The following VSIR variants were observed in gnomAD, a reference collection of about 807,000 sequenced individuals.
The protein encoded by VSIR is V-set immunoregulatory receptor.
A neutral mutation model predicts 31.0 loss-of-function variants in VSIR; 10 were observed. That is an observed-to-expected ratio of 0.32 (90% CI 0.20 to 0.55). VSIR has a LOEUF of 0.55. Ranked by LOEUF, VSIR falls within the 20% of genes least tolerant of loss-of-function variation. The pLI is 0.93. For synonymous variants in VSIR, 179 were observed against 180.1 expected (o/e 0.99, Z 0.05); for missense variants, 356 against 416.2 (o/e 0.86, Z 1.26).
chr10:71,767,953 C>T (rs1840594924), intron 1 of VSIR, among the ~76,000 whole-genome samples: 1 of 152,158 alleles, frequency 6.6e-6, no homozygotes, highest in Non-Finnish European at 1.5e-5. Context: ...GAGGTCCCGG[C>T]CCGTGGATGC....
intron 3 of VSIR, chr10:71,760,503 C>G (rs1028187925): frequency 5.2e-6 from 1 of 191,454 alleles, no homozygotes; most frequent in African/African-American, 2.3e-5. Context: ...TAGTTTAATT[C>G]TAGGCCAAGA....
intron 1 of VSIR, among the ~76,000 whole-genome samples, chr10:71,769,122 A>C (rs10999991): frequency 0.062 from 9,496 of 152,322 alleles, 420 homozygotes; most frequent in African/African-American, 0.11. Context: ...TTTTACATTA[A>C]ATAACATTGA....
chr10:71,750,939 C>A lies in VSIR; in HGVS notation c.*314G>T. ...CAAGGCTCATGTCTCAGAACGAGAG[C>A]TGCTGAAGGGCTGGACGTTCTGAGA... On this transcript the variant is annotated 3_prime_UTR_variant, in exon 7 of 7. Coordinates refer to ENST00000394957, the MANE Select transcript of VSIR (RefSeq NM_022153.2). 1 of 312,802 alleles carries A rather than the reference C, an allele frequency of 3.2e-6. No individual in the cohort carries two copies. The highest frequency in any genetic ancestry group is 5.9e-6 in the Non-Finnish European group (1 of 169,540). 19.4% of individuals were successfully genotyped at this position (312,802 alleles called of 1,614,324 possible).
intron 1 of VSIR, among the ~76,000 whole-genome samples, chr10:71,766,985 C>A (rs2132902104): frequency 6.6e-6 from 1 of 152,364 alleles, no homozygotes; most frequent in East Asian, 1.9e-4. Flanking sequence ...TTCTTTCATT[C>A]CACAAATATT....
Position 71,756,531 on chromosome 10 carries a change from G to A in VSIR, c.569-1065C>T, listed in dbSNP as rs187733834. On this transcript the variant is annotated intron_variant, in intron 3 of 6. Coordinates refer to ENST00000394957, the MANE Select transcript of VSIR (RefSeq NM_022153.2). ...AAATTCCTAGCGGTCAAAGTGCTGAGCCAAAGAGTATGTGCATTTTCTTTT... is the reference window on the plus strand; with the variant it reads ...AAATTCCTAGCGGTCAAAGTGCTGAACCAAAGAGTATGTGCATTTTCTTTT... Among the ~76,000 whole-genome samples, 96 of 152,324 alleles carry A rather than the reference G, an allele frequency of 6.3e-4. No homozygotes were observed. The Middle Eastern group carries it at 0.031, about 49-fold the overall frequency.
chr10:71,769,074 C>T (rs1441381596), intron 1 of VSIR, among the ~76,000 whole-genome samples: 1 of 152,198 alleles, frequency 6.6e-6, no homozygotes, highest in African/African-American at 2.4e-5. Context: ...GAAAGCCCAG[C>T]TTGCCTGGCC....
chr10:71,751,226 A>C lies in VSIR; in HGVS notation c.*27T>G, dbSNP rs374909552. ...AAATGCACCTGCCCCAGACCCAGCC[A>C]CAACAGCCCACTGTCCCCCAGCTGG... On this transcript the variant is annotated 3_prime_UTR_variant, in exon 7 of 7. Coordinates refer to ENST00000394957, the MANE Select transcript of VSIR (RefSeq NM_022153.2). The surrounding 1 kb of genome is among the most constrained non-coding windows in gnomAD (Gnocchi z 4.9). 6 of 1,601,652 alleles carry C rather than the reference A, an allele frequency of 3.7e-6. No homozygotes were observed. The African/African-American group carries it at 8.0e-5, about 21-fold the overall frequency.
chr10:71,751,078 AT>A lies in VSIR; in HGVS notation c.*174del. On this transcript the variant is annotated 3_prime_UTR_variant, in exon 7 of 7. Coordinates refer to ENST00000394957, the MANE Select transcript of VSIR (RefSeq NM_022153.2). This position sits in a 1 kb window ranked among gnomAD's most constrained non-coding sequence, Gnocchi z 4.9. ...AGGGGCTGAGCCGTCCAGCATCCCC[AT>A]GTAGCATCCAGAGGGGTTGAGGGGC... The A allele has an allele frequency of 1.4e-6, 1 of 738,860 alleles. No individual in the cohort carries two copies. Among genetic ancestry groups the A allele is most frequent in the Non-Finnish European group, 2.2e-6 (1 of 457,870 alleles). 45.8% of individuals were successfully genotyped at this position (738,860 alleles called of 1,614,324 possible). A position where few individuals can be genotyped will look rare whatever the true frequency, so the allele number is the denominator to read the frequency against.
In VSIR at chr10:71,755,405, G is replaced by A. The variant is rs761721392; in HGVS notation, c.630C>T (p.Leu210=). ...ACIVGILCLP[L]ILLLVYKQRQ... The stretch of plus-strand genomic sequence containing the variant: ...TTTGCTTGTAGACCAGGAGCAGGAT[G>A]AGGGGGAGGCAGAGGATTCCTACGA... The change falls in exon 4 of 7, where the codon CTC becomes CTT. Residue 210 remains leucine, a synonymous_variant. Coordinates refer to ENST00000394957, the MANE Select transcript of VSIR (RefSeq NM_022153.2). The A allele has an allele frequency of 5.0e-6, 8 of 1,613,440 alleles. No individual in the cohort carries two copies. The highest frequency in any genetic ancestry group is 5.9e-6 in the Non-Finnish European group (7 of 1,179,882).
intron 3 of VSIR, 132 bp from the exon 4 acceptor site, chr10:71,755,598 C>G: frequency 1.3e-6 from 1 of 795,760 alleles, no homozygotes; most frequent in Non-Finnish European, 2.0e-6. Flanking sequence ...AGCTAGACCC[C>G]CAGCAACCTA....
rs1487599802 is a variant in VSIR, at chr10:71,759,818, T to TACACAC, written c.568+1049_568+1050insGTGTGT. On this transcript the variant is annotated intron_variant, in intron 3 of 6. Transcript: ENST00000394957. ...CAGAGTGAAACCGTGTTTCAGAAAA[T>TACACAC]ATACACACACACACACACACACACA... Among the ~76,000 whole-genome samples, 303 of 50,808 alleles carry TACACAC rather than the reference T, an allele frequency of 6.0e-3. 48 individuals are homozygous for TACACAC. The highest frequency in any genetic ancestry group is 0.023 in the South Asian group (44 of 1,882). The allele number at this position is 50,808 out of a possible 152,430, so 33.3% of individuals were successfully genotyped here.
At chr10:71,771,777 G>A (rs1463736663) in intron 1 of VSIR, among the ~76,000 whole-genome samples, 1 of 152,334 alleles carries the variant, frequency 6.6e-6, no homozygotes, top group East Asian at 1.9e-4. Context: ...TATAGGGGAA[G>A]GCGTCCTGAG....
chr10:71,771,067 G>A lies in VSIR; in HGVS notation c.82+2291C>T, dbSNP rs113675098. Among the ~76,000 whole-genome samples, 792 of 152,276 alleles carry A rather than the reference G, an allele frequency of 5.2e-3. 7 individuals carry two copies. The highest frequency in any genetic ancestry group is 0.018 in the African/African-American group (747 of 41,556). On this transcript the variant is annotated intron_variant, in intron 1 of 6. Coordinates refer to ENST00000394957, the MANE Select transcript of VSIR (RefSeq NM_022153.2). ...TATGAAGGAGAAGATGGGGTCTCTCGTCCCTAGCCCCAGTGCACTTAAATG... is the reference window on the plus strand; with the variant it reads ...TATGAAGGAGAAGATGGGGTCTCTCATCCCTAGCCCCAGTGCACTTAAATG...
intron 3 of VSIR, among the ~76,000 whole-genome samples, chr10:71,759,934 T>TACAC (rs1283678300): frequency 3.3e-5 from 2 of 61,338 alleles, no homozygotes; most frequent in South Asian, 5.0e-4. Context: ...CACACACATA[T>TACAC]ATACACACAC....
At chr10:71,770,877 GGCATT>G (rs1840669232) in intron 1 of VSIR, among the ~76,000 whole-genome samples, 1 of 152,156 alleles carries the variant, frequency 6.6e-6, no homozygotes, top group Admixed American at 6.5e-5. Context: ...GGGTGTCCCT[GGCATT>G]GGGTAGATGA....
intron 3 of VSIR, among the ~76,000 whole-genome samples, chr10:71,758,880 G>T (rs140869584): frequency 1.5e-4 from 23 of 152,154 alleles, no homozygotes; most frequent in African/African-American, 4.8e-4. Flanking sequence ...TGATTTTTTT[G>T]ATTTTTTGGG....
chr10:71,756,151 A>G (rs1840140867), intron 3 of VSIR, among the ~76,000 whole-genome samples: 1 of 152,124 alleles, frequency 6.6e-6, no homozygotes, highest in Admixed American at 6.5e-5. Flanking sequence ...TTATTAAACT[A>G]CCAAAAAAAG....
chr10:71,768,402 C>T (rs1318892051), intron 1 of VSIR, among the ~76,000 whole-genome samples: 1 of 152,128 alleles, frequency 6.6e-6, no homozygotes, highest in Non-Finnish European at 1.5e-5. Flanking sequence ...AACTCCTGAC[C>T]TCATGTGATC....
chr10:71,752,228 C>T (rs556712838), intron 5 of VSIR, among the ~76,000 whole-genome samples: 1 of 152,168 alleles, frequency 6.6e-6, no homozygotes, highest in Non-Finnish European at 1.5e-5. Flanking sequence ...GCATTAGGAT[C>T]GAACATCCCC....
Sources: gnomAD v4.1 joint callset for allele counts (sites outside exome capture counted in the v4.1 genomes callset) on GRCh38, gnomAD v4.1.1 for gene constraint, Gnocchi (gnomAD v3.1) non-coding constraint, MANE v1.5 for transcripts, NCBI Gene and HGNC (gene_info 2026-07-23, HGNC 2026-07-21) for gene names.